PRR16: variants seen among roughly 807,000 people sequenced by gnomAD.
PRR16 encodes the protein protein Largen.
Under a neutral mutation model 18.2 loss-of-function variants are expected in PRR16, and 6 were observed. The ratio of observed to expected loss-of-function variants is 0.33; its 90% CI spans 0.18 to 0.65. The LOEUF is 0.65. Among genes scored for constraint, PRR16 ranks in the 30% least tolerant of loss-of-function variants. PRR16 has a pLI of 0.74. For synonymous variants in PRR16, 151 were observed against 147.8 expected (o/e 1.02, Z -0.16); for missense variants, 412 against 376.6 (o/e 1.09, Z -0.78).
chr5:120,656,741 TATC>T (rs1336432594), intron 1 of PRR16, among the ~76,000 whole-genome samples: 1 of 152,008 alleles, frequency 6.6e-6, no homozygotes, highest in Non-Finnish European at 1.5e-5. Flanking sequence ...ATTGACTTAG[TATC>T]ATACATAAGT....
At chr5:120,688,163 C>T (rs535125630), downstream of PRR16, among the ~76,000 whole-genome samples, 47 of 152,142 alleles carry the variant, frequency 3.1e-4, no homozygotes, top group Non-Finnish European at 5.7e-4. Flanking sequence ...CAAGCTAGAT[C>T]ATGGTAATTT....
chr5:120,790,151 T>A, the PRR16 span: 15 of 152,214 alleles, frequency 9.9e-5, no homozygotes, highest in South Asian at 2.7e-3. Flanking sequence ...TCTTCCTCTA[T>A]CTGACAGCCA....
chr5:120,537,637 C>T (rs1174634318), intron 1 of PRR16, among the ~76,000 whole-genome samples: 2 of 147,632 alleles, frequency 1.4e-5, no homozygotes, highest in African/African-American at 5.0e-5. Context: ...AATTACCTTG[C>T]CCATGACTGA....
At chr5:120,764,484 T>C in the PRR16 span, among the ~76,000 whole-genome samples, 57 of 152,170 alleles carry the variant, frequency 3.7e-4, no homozygotes, top group Non-Finnish European at 7.6e-4. Flanking sequence ...AGATTTTTTG[T>C]GTCTATATTC....
chr5:120,543,194 T>C (rs916644504), intron 1 of PRR16, among the ~76,000 whole-genome samples: 1 of 152,184 alleles, frequency 6.6e-6, no homozygotes, highest in African/African-American at 2.4e-5. Flanking sequence ...TTTTCCTATA[T>C]TGTAAAATAC....
chr5:120,787,967 T>C, the PRR16 span, among the ~76,000 whole-genome samples: 1 of 151,740 alleles, frequency 6.6e-6, no homozygotes, highest in Non-Finnish European at 1.5e-5. Context: ...GGTCTTACTC[T>C]CTCTCTTGCT....
the PRR16 span, among the ~76,000 whole-genome samples, chr5:120,727,968 G>C: frequency 1.3e-5 from 2 of 151,848 alleles, no homozygotes; most frequent in Non-Finnish European, 2.9e-5. Context: ...TCAAAAATAA[G>C]ATTAAGTTAT....
chr5:120,577,778 G>C (rs1753128096), intron 1 of PRR16, among the ~76,000 whole-genome samples: 1 of 152,146 alleles, frequency 6.6e-6, no homozygotes, highest in Non-Finnish European at 1.5e-5. Context: ...AGCAGGGACA[G>C]TACTAAAAGC....
intron 1 of PRR16, among the ~76,000 whole-genome samples, chr5:120,591,426 G>A (rs1020557447): frequency 5.3e-5 from 8 of 151,678 alleles, no homozygotes; most frequent in Non-Finnish European, 8.8e-5. Flanking sequence ...CATTATATTA[G>A]AGAGTATATA....
At chr5:120,615,646 A>G (rs1404279891) in intron 1 of PRR16, among the ~76,000 whole-genome samples, 4 of 152,132 alleles carry the variant, frequency 2.6e-5, no homozygotes, top group Admixed American at 2.0e-4. Flanking sequence ...TGTTTTAACC[A>G]TAAAATTAAT....
intron 1 of PRR16, among the ~76,000 whole-genome samples, chr5:120,647,386 A>C (rs978660554): frequency 4.0e-5 from 6 of 149,490 alleles, no homozygotes; most frequent in African/African-American, 1.5e-4. Flanking sequence ...TAATTTTTTA[A>C]GAGATTTAAA....
downstream of PRR16, among the ~76,000 whole-genome samples, chr5:120,689,698 T>C (rs911126453): frequency 1.3e-5 from 2 of 151,678 alleles, no homozygotes; most frequent in African/African-American, 4.8e-5. Flanking sequence ...ACTGTAAAAA[T>C]AGGACATATT....
chr5:120,669,973 A>G lies in PRR16; in HGVS notation c.160-15981A>G, dbSNP rs192098440. Among the ~76,000 whole-genome samples the G allele has an allele frequency of 1.2e-3, 188 of 152,196 alleles. 1 individual carries two copies. Among genetic ancestry groups the G allele is most frequent in the African/African-American group, 4.3e-3 (178 of 41,556 alleles). On this transcript the variant is annotated intron_variant, in intron 1 of 1. Coordinates refer to ENST00000407149, the MANE Select transcript of PRR16 (RefSeq NM_001300783.2). ...CCAAAGGTTTTAGGGTATAATTACA[A>G]TGTTTTAAATGTTATAATGCATAAA...
intron 1 of PRR16, among the ~76,000 whole-genome samples, chr5:120,602,875 T>C (rs1754028237): frequency 6.6e-6 from 1 of 152,120 alleles, no homozygotes; most frequent in Non-Finnish European, 1.5e-5. Context: ...TTTACTGATT[T>C]TCGTGTTTCA....
chr5:120,530,273 ATATATATATATTTATTTATT>A (rs1389419094), intron 1 of PRR16, among the ~76,000 whole-genome samples: 1 of 124,800 alleles, frequency 8.0e-6, no homozygotes, highest in East Asian at 2.0e-4. Context: ...ATATATATAT[ATATATATATATTTATTTATT>A]TATTTATTTA....
intron 1 of PRR16, among the ~76,000 whole-genome samples, chr5:120,563,947 G>A (rs781728271): frequency 1.3e-5 from 2 of 152,072 alleles, no homozygotes; most frequent in Non-Finnish European, 2.9e-5. Flanking sequence ...AAGGTTTAAG[G>A]GCTCTTTAGT....
chr5:120,551,657 A>C (rs1752258861), intron 1 of PRR16, among the ~76,000 whole-genome samples: 3 of 152,036 alleles, frequency 2.0e-5, no homozygotes, highest in African/African-American at 7.2e-5. Context: ...TGTTTTGATC[A>C]GTGGTTAAGA....
chr5:120,709,942 A>G, the PRR16 span, among the ~76,000 whole-genome samples: 145,616 of 152,250 alleles, frequency 0.96, 69,874 homozygotes, highest in East Asian at 1. Flanking sequence ...AAACAGGAGC[A>G]TAGATATGTC....
chr5:120,498,973 T>TG (rs145775991), intron 1 of PRR16, among the ~76,000 whole-genome samples: 33,243 of 151,986 alleles, frequency 0.22, 3,787 homozygotes, highest in Middle Eastern at 0.27. Flanking sequence ...TCTTTAGTTT[T>TG]GAGGTTGATT....
Sources: gnomAD v4.1 joint callset for allele counts (sites outside exome capture counted in the v4.1 genomes callset) on GRCh38, gnomAD v4.1.1 for gene constraint, MANE v1.5 for transcripts, NCBI Gene and HGNC (gene_info 2026-07-23, HGNC 2026-07-21) for gene names.